The following SLC8A1 variants were observed in gnomAD, a reference collection of about 807,000 sequenced individuals.
SLC8A1 encodes sodium/calcium exchanger 1.
In SLC8A1, 18 loss-of-function variants were observed where a neutral mutation model predicts 68.3. The observed-to-expected ratio is 0.26, with a 90% confidence interval of 0.18 to 0.39. The LOEUF (loss-of-function observed/expected upper bound fraction) is 0.39. Among genes scored for constraint, SLC8A1 ranks in the 10% least tolerant of loss-of-function variants. The pLI is 1.00. For synonymous variants in SLC8A1, 475 were observed against 415.5 expected (o/e 1.14, Z -1.74); for missense variants, 985 against 1,156.7 (o/e 0.85, Z 2.15).
At chr2:40,259,065 G>T (rs560624275) in intron 2 of SLC8A1, among the ~76,000 whole-genome samples, 2 of 152,162 alleles carry the variant, frequency 1.3e-5, no homozygotes, top group Non-Finnish European at 2.9e-5. Context: ...GTGTGAGGGT[G>T]TGAGGTGTTA....
At chr2:40,353,646 G>A (rs1671798567) in intron 2 of SLC8A1, among the ~76,000 whole-genome samples, 1 of 152,164 alleles carries the variant, frequency 6.6e-6, no homozygotes, top group Non-Finnish European at 1.5e-5. Flanking sequence ...AAAACTAAGA[G>A]ATAACAAAAG....
chr2:40,321,209 C>A (rs546743893), intron 2 of SLC8A1, among the ~76,000 whole-genome samples: 1 of 152,080 alleles, frequency 6.6e-6, no homozygotes, highest in African/African-American at 2.4e-5. Flanking sequence ...GTATATTTTC[C>A]TTTTCACATA....
rs1316144147 is a variant in SLC8A1, at chr2:40,197,918, G to C, written c.1809-20063C>G. On this transcript the variant is annotated intron_variant, in intron 2 of 7. Transcript: ENST00000406785. The stretch of plus-strand genomic sequence containing the variant: ...GAATGACTGTCCAGAAATGCTCCTT[G>C]GGAATAGCTTTTGTGGAAAGAAAGC... Among the ~76,000 whole-genome samples, 33 of 151,960 alleles carry C rather than the reference G, an allele frequency of 2.2e-4. 1 individual carries two copies. The highest frequency in any genetic ancestry group is 2.2e-3 in the Admixed American group (33 of 15,234).
At chr2:40,317,483 A>C (rs1195679494) in intron 2 of SLC8A1, among the ~76,000 whole-genome samples, 1 of 152,106 alleles carries the variant, frequency 6.6e-6, no homozygotes, top group Non-Finnish European at 1.5e-5. Context: ...GAAAACTTGC[A>C]ACAACTCTAC....
exon 8 of SLC8A1, chr2:40,109,728 T>C (rs1344397113): frequency 6.6e-6 from 1 of 152,060 alleles, no homozygotes; most frequent in Non-Finnish European, 1.5e-5. Flanking sequence ...GGAAAGGAAA[T>C]ATTAAGACTG....
intron 1 of SLC8A1, among the ~76,000 whole-genome samples, chr2:40,480,517 T>C (rs1000309554): frequency 6.6e-6 from 1 of 152,226 alleles, no homozygotes; most frequent in African/African-American, 2.4e-5. Flanking sequence ...TTCCAGCCTT[T>C]AGAACTGTGA....
intron 2 of SLC8A1, among the ~76,000 whole-genome samples, chr2:40,333,829 T>C (rs570144772): frequency 3.3e-5 from 5 of 152,164 alleles, no homozygotes; most frequent in South Asian, 4.1e-4. Flanking sequence ...CGGGTGGATC[T>C]CTTGAGGTCA....
intron 6 of SLC8A1, among the ~76,000 whole-genome samples, chr2:40,147,232 T>TA (rs66542100): frequency 2.6e-5 from 4 of 151,526 alleles, no homozygotes; most frequent in African/African-American, 9.7e-5. Flanking sequence ...CTCTTGTTCC[T>TA]AAAAAAAAAT....
intron 2 of SLC8A1, among the ~76,000 whole-genome samples, chr2:40,308,805 C>G (rs935739131): frequency 2.6e-5 from 4 of 152,068 alleles, no homozygotes; most frequent in Non-Finnish European, 4.4e-5. Flanking sequence ...CTGCAAAGGG[C>G]AAAACTTTGT....
intron 2 of SLC8A1, chr2:40,254,684 A>C (rs1244899809): frequency 2.0e-5 from 3 of 152,206 alleles, no homozygotes; most frequent in Non-Finnish European, 4.4e-5. Flanking sequence ...AATGCTGTCT[A>C]GTTGATCTGA....
At chr2:40,102,063 A>T (rs1329663283) in exon 8 of SLC8A1, 1 of 152,160 alleles carries the variant, frequency 6.6e-6, no homozygotes, top group Non-Finnish European at 1.5e-5. Context: ...ACATTCTTAC[A>T]ATGTGGGTAA....
chr2:40,484,840 G>A (rs1215494322), intron 1 of SLC8A1, among the ~76,000 whole-genome samples: 1 of 152,188 alleles, frequency 6.6e-6, no homozygotes, highest in Non-Finnish European at 1.5e-5. Flanking sequence ...TATACATGAG[G>A]GTCACTTGAT....
chr2:40,100,138 C>G (rs2033810071), exon 8 of SLC8A1: 1 of 152,084 alleles, frequency 6.6e-6, no homozygotes, highest in Non-Finnish European at 1.5e-5. Flanking sequence ...CACTGAAAGG[C>G]AAAGCTGTTG....
chr2:40,107,819 T>A (rs560164771), exon 8 of SLC8A1: 1 of 152,316 alleles, frequency 6.6e-6, no homozygotes, highest in South Asian at 2.1e-4. Context: ...ACAGAGGAGA[T>A]CCAGTGCTGA....
chr2:40,255,494 G>A (rs2063764850), intron 2 of SLC8A1, among the ~76,000 whole-genome samples: 1 of 152,216 alleles, frequency 6.6e-6, no homozygotes, highest in Non-Finnish European at 1.5e-5. Flanking sequence ...AGAGGCTGAT[G>A]TGTAGTAGGG....
chr2:40,486,295 A>G (rs1314067829), intron 1 of SLC8A1, among the ~76,000 whole-genome samples: 2 of 152,242 alleles, frequency 1.3e-5, no homozygotes, highest in Non-Finnish European at 2.9e-5. Flanking sequence ...CAGCATGAGA[A>G]CAGACTAATA....
chr2:40,113,196 G>A (rs891735336), exon 8 of SLC8A1: 3 of 152,308 alleles, frequency 2.0e-5, no homozygotes, highest in African/African-American at 7.2e-5. Context: ...TTTATTAAAT[G>A]AGGAAGGATC....
chr2:40,427,001 A>G (rs1398641620), intron 2 of SLC8A1, among the ~76,000 whole-genome samples: 1 of 152,074 alleles, frequency 6.6e-6, no homozygotes, highest in Admixed American at 6.6e-5. Context: ...CTAGATCACT[A>G]TCTTTCAGTA....
At chr2:40,275,441 A>T (rs1401342170) in intron 2 of SLC8A1, among the ~76,000 whole-genome samples, 1 of 152,206 alleles carries the variant, frequency 6.6e-6, no homozygotes, top group Non-Finnish European at 1.5e-5. Context: ...TGCTCTACCT[A>T]TGAAGAACAA....
Sources: gnomAD v4.1 joint callset for allele counts (sites outside exome capture counted in the v4.1 genomes callset) on GRCh38, gnomAD v4.1.1 for gene constraint, MANE v1.5 for transcripts, NCBI Gene and HGNC (gene_info 2026-07-23, HGNC 2026-07-21) for gene names.